LRRC7: variants seen among roughly 807,000 people sequenced by gnomAD.
LRRC7 encodes leucine-rich repeat-containing protein 7.
LRRC7 carries 23 observed loss-of-function variants against 175.7 expected under a neutral mutation model. That is an observed-to-expected ratio of 0.13 (90% confidence interval 0.09 to 0.19). The LOEUF (loss-of-function observed/expected upper bound fraction) is 0.19, where lower values mean the gene tolerates loss of function less well. Among genes scored for constraint, LRRC7 ranks in the 10% least tolerant of loss-of-function variants. The probability of loss-of-function intolerance (pLI) is 1.00; values close to 1 mark genes in which losing one functional copy is unlikely to be tolerated. For missense variants in LRRC7, 1,354 were observed against 1,904.7 expected (o/e 0.71, Z 5.38); for synonymous variants, 685 against 680.9 (o/e 1.01, Z -0.09).
chr1:69,735,847 ACTT>A (rs916754681), intron 2 of LRRC7, among the ~76,000 whole-genome samples: 3 of 150,484 alleles, frequency 2.0e-5, no homozygotes, highest in Admixed American at 6.6e-5. Flanking sequence ...TCCTTGCAAA[ACTT>A]CCTTTTCAAT....
At chr1:69,617,547 T>TAAAAAAAAAAAAAAAAAAAAAA (rs11473590) in intron 1 of LRRC7, among the ~76,000 whole-genome samples, 16 of 62,004 alleles carry the variant, frequency 2.6e-4, no homozygotes, top group South Asian at 1.5e-3. Context: ...ATACTCACAG[T>TAAAAAAAAAAAAAAAAAAAAAA]AAAAAAAAAA....
At chr1:69,786,669 C>T (rs374910970) in intron 3 of LRRC7, among the ~76,000 whole-genome samples, 24 of 152,218 alleles carry the variant, frequency 1.6e-4, no homozygotes, top group African/African-American at 5.5e-4. Context: ...GGGAAACTCC[C>T]CTTTTTAAAA....
At chr1:69,673,453 A>C (rs558598801) in intron 1 of LRRC7, among the ~76,000 whole-genome samples, 1 of 152,194 alleles carries the variant, frequency 6.6e-6, no homozygotes, top group East Asian at 1.9e-4. Context: ...CATTACATTT[A>C]ATCTCTCTTT....
intron 1 of LRRC7, among the ~76,000 whole-genome samples, chr1:69,579,215 T>C (rs548236998): frequency 1.3e-5 from 2 of 152,206 alleles, no homozygotes; most frequent in Non-Finnish European, 2.9e-5. Context: ...CCTAAAATGT[T>C]TACTTGGGTT....
intron 18 of LRRC7, 101 bp downstream of exon 18, chr1:70,028,472 T>C (rs1053982910): frequency 3.1e-5 from 32 of 1,018,022 alleles, no homozygotes; most frequent in Non-Finnish European, 4.3e-5. Context: ...GTGCATTTTT[T>C]TCCTAAAATA....
At chr1:70,050,556 A>G (rs1379849654) in intron 22 of LRRC7, among the ~76,000 whole-genome samples, 1 of 152,098 alleles carries the variant, frequency 6.6e-6, no homozygotes, top group Non-Finnish European at 1.5e-5. Context: ...AAATATCCAA[A>G]GAAAATATCA....
chr1:69,699,353 A>T (rs980418389), intron 2 of LRRC7, among the ~76,000 whole-genome samples: 6 of 152,128 alleles, frequency 3.9e-5, no homozygotes, highest in African/African-American at 1.4e-4. Flanking sequence ...CATCCTGGCC[A>T]ACATGGTGAA....
chr1:69,767,710 C>T (rs760501077), intron 3 of LRRC7, among the ~76,000 whole-genome samples: 2 of 152,150 alleles, frequency 1.3e-5, no homozygotes, highest in East Asian at 1.9e-4. Context: ...GATCCTACTG[C>T]GTTGGCCTCC....
At chr1:70,009,339 T>TTTTC (rs1167075058) in intron 11 of LRRC7, among the ~76,000 whole-genome samples, 1 of 150,330 alleles carries the variant, frequency 6.7e-6, no homozygotes, top group Non-Finnish European at 1.5e-5. Context: ...ACTTTCTTTT[T>TTTTC]TTTCTTTCTT....
chr1:69,627,026 A>G (rs1651695677), intron 1 of LRRC7, among the ~76,000 whole-genome samples: 1 of 152,280 alleles, frequency 6.6e-6, no homozygotes, highest in East Asian at 1.9e-4. Context: ...TAGTGCCACA[A>G]TAAACATACA....
intron 5 of LRRC7, among the ~76,000 whole-genome samples, chr1:69,833,490 T>C (rs1412406344): frequency 6.6e-6 from 1 of 152,114 alleles, no homozygotes; most frequent in Non-Finnish European, 1.5e-5. Flanking sequence ...ACACATATAT[T>C]CTTTTATACG....
In LRRC7 at chr1:70,123,866, G is replaced by A. The variant is rs535964519; in HGVS notation, c.*1979G>A. ...AAAAAACTCATGGCTGTAGTTTGGT[G>A]GCAATGAAACATCTGAAATCATCCC... On this transcript the variant is annotated 3_prime_UTR_variant, in exon 27 of 27. Transcript: ENST00000651989. 2.3e-4 allele frequency among the ~76,000 whole-genome samples: 35 copies of A among 152,212 alleles called. No individual in the cohort carries two copies. In the South Asian group the frequency reaches 6.8e-3, roughly 30 times the overall value.
At chr1:69,771,089 G>A (rs1307346309) in intron 3 of LRRC7, among the ~76,000 whole-genome samples, 1 of 152,122 alleles carries the variant, frequency 6.6e-6, no homozygotes, top group Non-Finnish European at 1.5e-5. Flanking sequence ...ATGCATATGT[G>A]ATACATAAAT....
rs574258577 is a variant in LRRC7, at chr1:70,103,680, G to A, written c.4546-4072G>A. 9.2e-5 allele frequency among the ~76,000 whole-genome samples: 14 copies of A among 152,258 alleles called. No individual in the cohort carries two copies. In the South Asian group the frequency reaches 2.7e-3, roughly 29 times the overall value. The stretch of plus-strand genomic sequence containing the variant: ...TGAAGTTTTAAGCCACTAGGTTTAT[G>A]GAACTTTGTTACAGCAACAGTAGAA... On this transcript the variant is annotated intron_variant, in intron 25 of 26. Coordinates refer to ENST00000651989, the MANE Select transcript of LRRC7 (RefSeq NM_001370785.2).
rs1367124580 is a variant in LRRC7 at position 70,139,450 on chromosome 1, G to T, written c.*17563G>T. The T allele has an allele frequency of 6.6e-6, 1 of 152,138 alleles. No individual in the cohort carries two copies. Among genetic ancestry groups the T allele is most frequent in the African/African-American group, 2.4e-5 (1 of 41,434 alleles). 9.4% of individuals were successfully genotyped at this position (152,138 alleles called of 1,614,324 possible). On this transcript the variant is annotated 3_prime_UTR_variant, in exon 27 of 27. Transcript: ENST00000651989. ...AGAGCATATTTTATTCAGACCATTT[G>T]GATTCAGATGTACCCTAAAGACAAC...
chr1:69,987,792 C>T (rs1654074100), intron 10 of LRRC7, among the ~76,000 whole-genome samples: 1 of 152,136 alleles, frequency 6.6e-6, no homozygotes, highest in African/African-American at 2.4e-5. Context: ...TGTGGTCCAT[C>T]GTTTCTTTCT....
chr1:70,036,617 G>A lies in LRRC7; in HGVS notation c.2281G>A (p.Gly761Ser). Residue 761 changes from glycine (G) to serine (S), a missense_variant, in exon 20 of 27, where the codon GGT (glycine) becomes AGT (serine). Gly to Ser is a moderately conservative substitution (Grantham distance 56). Around this residue, in one of 4 missense-constraint regions of LRRC7, gnomAD observed 1,032 missense variants for 1,227.2 expected, o/e 0.84. Coordinates refer to ENST00000651989, the MANE Select transcript of LRRC7 (RefSeq NM_001370785.2). ...AGATGCAGTACATAATTCTTTGTGG[G>A]GTAACAGGTGTGTTTAGAATTCCCT... ...AKDAVHNSLW[G>S]NRIAPSFPQP... is the part of the protein sequence containing the mutation. 6.2e-7 allele frequency: 1 copy of A among 1,605,732 alleles called. No individual in the cohort carries two copies. The highest frequency in any genetic ancestry group is 8.5e-7 in the Non-Finnish European group (1 of 1,177,436).
chr1:70,112,106 T>C (rs1198902860), intron 26 of LRRC7, among the ~76,000 whole-genome samples: 2 of 152,316 alleles, frequency 1.3e-5, no homozygotes, highest in East Asian at 3.9e-4. Flanking sequence ...AGCTAGATAT[T>C]TTTCTTTTTT....
At chr1:69,800,547 T>C (rs1438066967) in intron 4 of LRRC7, among the ~76,000 whole-genome samples, 1 of 151,898 alleles carries the variant, frequency 6.6e-6, no homozygotes, top group Non-Finnish European at 1.5e-5. Flanking sequence ...CAGCTTGTTA[T>C]TGGCGTACAG....
Sources: allele counts gnomAD v4.1 joint callset (sites outside exome capture counted in the v4.1 genomes callset), GRCh38; gene constraint gnomAD v4.1.1; regional missense constraint gnomAD v4.1.1; transcripts MANE v1.5; gene names NCBI Gene and HGNC (gene_info 2026-07-23, HGNC 2026-07-21).